The following MTX2 variants were observed in gnomAD, a reference collection of about 807,000 sequenced individuals.
MTX2 encodes the protein metaxin 2.
In MTX2, 35 loss-of-function variants were observed where a neutral mutation model predicts 42.3. The ratio of observed to expected loss-of-function variants is 0.83; its 90% CI spans 0.63 to 1.10. The LOEUF (loss-of-function observed/expected upper bound fraction) is 1.10. Among genes scored for constraint, MTX2 ranks in the 50% least tolerant of loss-of-function variants. The pLI is 0.00. For synonymous variants in MTX2, 119 were observed against 100.9 expected (o/e 1.18, Z -1.08); for missense variants, 307 against 304.1 (o/e 1.01, Z -0.07).
intron 9 of MTX2, 145 bp from the exon 10 acceptor site, chr2:176,337,345 ATTG>A (rs1404521020): frequency 3.4e-6 from 2 of 595,528 alleles, no homozygotes; most frequent in African/African-American, 3.9e-5. Context: ...CTTGGCCTAT[ATTG>A]TTATTTCTAA....
intron 9 of MTX2, among the ~76,000 whole-genome samples, chr2:176,335,343 G>A (rs1428617946): frequency 6.6e-6 from 1 of 152,070 alleles, no homozygotes; most frequent in Admixed American, 6.6e-5. Context: ...GGCTAAAGAG[G>A]CAGGCAGAGG....
At chr2:176,315,587 A>G (rs1684416412) in intron 3 of MTX2, among the ~76,000 whole-genome samples, 1 of 152,172 alleles carries the variant, frequency 6.6e-6, no homozygotes, top group African/African-American at 2.4e-5. Flanking sequence ...CGGTCAGATT[A>G]CAGCAATCCC....
chr2:176,306,577 T>A (rs1200150676), intron 3 of MTX2, among the ~76,000 whole-genome samples: 1 of 152,218 alleles, frequency 6.6e-6, no homozygotes, highest in African/African-American at 2.4e-5. Flanking sequence ...ATCTGTTTTT[T>A]CCTGACTTTT....
chr2:176,294,989 T>C (rs979491561), intron 1 of MTX2, among the ~76,000 whole-genome samples: 1 of 152,218 alleles, frequency 6.6e-6, no homozygotes, highest in Non-Finnish European at 1.5e-5. Flanking sequence ...TACCTTAACA[T>C]AGATGATAAT....
At chr2:176,281,040 C>G (rs1004309655) in intron 1 of MTX2, among the ~76,000 whole-genome samples, 1 of 152,172 alleles carries the variant, frequency 6.6e-6, no homozygotes, top group African/African-American at 2.4e-5. Context: ...AGTTCTGCTC[C>G]TTTTATAGCC....
At chr2:176,294,107 C>T (rs576190854) in intron 1 of MTX2, among the ~76,000 whole-genome samples, 101 of 152,166 alleles carry the variant, frequency 6.6e-4, no homozygotes, top group Middle Eastern at 3.4e-3. Flanking sequence ...GAAATATTCA[C>T]CCTTTTCACC....
chr2:176,332,494 C>T (rs1242542141), intron 9 of MTX2, among the ~76,000 whole-genome samples: 2 of 151,150 alleles, frequency 1.3e-5, no homozygotes, highest in African/African-American at 2.4e-5. Context: ...TAGAATTAAC[C>T]CCCTACAATT....
chr2:176,296,025 C>T (rs1683867536), intron 1 of MTX2, among the ~76,000 whole-genome samples: 1 of 152,060 alleles, frequency 6.6e-6, no homozygotes, highest in Non-Finnish European at 1.5e-5. Context: ...TCCTGATATC[C>T]TATATATTCT....
At chr2:176,320,044 AT>A (rs1042260606) in intron 3 of MTX2, among the ~76,000 whole-genome samples, 1 of 152,142 alleles carries the variant, frequency 6.6e-6, no homozygotes, top group African/African-American at 2.4e-5. Flanking sequence ...TGAACTACAG[AT>A]TAATTGACTA....
In MTX2 at chr2:176,329,408, A is replaced by G; in HGVS notation, c.525A>G (p.Gly175=). Residue 175 remains glycine (G), a synonymous_variant, in exon 8 of 10, where the codon GGA becomes GGG. Coordinates refer to ENST00000249442, the MANE Select transcript of MTX2 (RefSeq NM_006554.5). ...VKRKMKAIGW[G]KKTLDQVLED... ...GTAAGATGAAAGCTATTGGATGGGG[A>G]AAGAAGACTCTGGACCAGGTCAGTT... 1 of 1,607,040 alleles carries G rather than the reference A, an allele frequency of 6.2e-7. No homozygotes were observed. Among genetic ancestry groups the G allele is most frequent in the Non-Finnish European group, 8.5e-7 (1 of 1,175,178 alleles).
intron 3 of MTX2, among the ~76,000 whole-genome samples, chr2:176,312,773 G>T (rs1052042540): frequency 7.0e-6 from 1 of 142,886 alleles, no homozygotes; most frequent in African/African-American, 2.7e-5. Context: ...TGAGGTGAGA[G>T]AATCACTTGA....
chr2:176,306,643 C>T (rs184408410), intron 3 of MTX2, among the ~76,000 whole-genome samples: 30 of 152,298 alleles, frequency 2.0e-4, no homozygotes, highest in Middle Eastern at 3.4e-3. Flanking sequence ...TTTTGATTTG[C>T]ATTTCTTTGA....
At chr2:176,312,155 A>G (rs1003113389) in intron 3 of MTX2, among the ~76,000 whole-genome samples, 1 of 152,250 alleles carries the variant, frequency 6.6e-6, no homozygotes, top group Non-Finnish European at 1.5e-5. Context: ...GAACTTAACA[A>G]GAGTTACATC....
At chr2:176,294,787 C>T (rs1022699436) in intron 1 of MTX2, among the ~76,000 whole-genome samples, 6 of 152,044 alleles carry the variant, frequency 3.9e-5, no homozygotes, top group Non-Finnish European at 1.5e-5. Flanking sequence ...TTTGTAAAAG[C>T]CAGAAAACAT....
chr2:176,289,552 A>G (rs1448343155), intron 1 of MTX2, among the ~76,000 whole-genome samples: 2 of 152,094 alleles, frequency 1.3e-5, no homozygotes, highest in Non-Finnish European at 2.9e-5. Context: ...CTTTATTTCT[A>G]GGTATTCTTT....
chr2:176,287,687 T>G (rs191409696), intron 1 of MTX2, among the ~76,000 whole-genome samples: 158 of 152,276 alleles, frequency 1.0e-3, no homozygotes, highest in Non-Finnish European at 1.6e-3. Flanking sequence ...AAGGAATAGT[T>G]CTGGTCTGAA....
At chr2:176,299,545 C>T (rs1030402570) in intron 3 of MTX2, among the ~76,000 whole-genome samples, 4 of 152,012 alleles carry the variant, frequency 2.6e-5, no homozygotes, top group African/African-American at 9.7e-5. Context: ...TTAACCATTT[C>T]AATGTTTTTA....
chr2:176,321,010 GT>G (rs1684572159), intron 3 of MTX2, among the ~76,000 whole-genome samples: 1 of 151,964 alleles, frequency 6.6e-6, no homozygotes, highest in Non-Finnish European at 1.5e-5. Flanking sequence ...CATGGATCTT[GT>G]ATATCAGTTA....
At position 176,329,387 on chromosome 2, in the gene MTX2, G is replaced by T; in HGVS notation, c.504G>T (p.Lys168Asn). ...AAAAACAGTGGGAAGTCAAACGTAA[G>T]ATGAAAGCTATTGGATGGGGAAAGA... ...AYQKQWEVKR[K>N]MKAIGWGKKT... Residue 168 changes from lysine (K) to asparagine (N), a missense_variant, in exon 8 of 10, where the codon AAG (lysine) becomes AAT (asparagine). Transcript: ENST00000249442. The T allele has an allele frequency of 6.2e-7, 1 of 1,607,638 alleles. No individual in the cohort carries two copies. Among genetic ancestry groups the T allele is most frequent in the Non-Finnish European group, 8.5e-7 (1 of 1,175,590 alleles).
Sources: gnomAD v4.1 joint callset for allele counts (sites outside exome capture counted in the v4.1 genomes callset) on GRCh38, gnomAD v4.1.1 for gene constraint, MANE v1.5 for transcripts, NCBI Gene and HGNC (gene_info 2026-07-23, HGNC 2026-07-21) for gene names.